The following FAM133B variants were observed in gnomAD, a reference collection of about 807,000 sequenced individuals.
FAM133B encodes family with sequence similarity 133 member B.
A neutral mutation model predicts 46.4 loss-of-function variants in FAM133B; 25 were observed. That is an observed-to-expected ratio of 0.54 (90% CI 0.39 to 0.75). The LOEUF (loss-of-function observed/expected upper bound fraction) is 0.75. FAM133B is among the 30% of genes least tolerant of loss of function. The pLI is 0.00. For synonymous variants in FAM133B, 75 were observed against 86.0 expected (o/e 0.87, Z 0.71); for missense variants, 205 against 277.6 (o/e 0.74, Z 1.86).
chr7:92,570,258 A>G (rs1794486146), intron 8 of FAM133B, among the ~76,000 whole-genome samples: 1 of 152,114 alleles, frequency 6.6e-6, no homozygotes, highest in African/African-American at 2.4e-5. Context: ...ATTGGATTAG[A>G]CAGGCCTAGT....
In FAM133B at chr7:92,584,773, C is replaced by G. The variant is rs201030260; in HGVS notation, c.25-3170G>C. ...GAAATGAAGACAATGAAGGCAAGTACCATGTGCAGCTTAGTTCACCGTTTG... is the reference window on the plus strand; with the variant it reads ...GAAATGAAGACAATGAAGGCAAGTAGCATGTGCAGCTTAGTTCACCGTTTG... On this transcript the variant is annotated intron_variant, in intron 1 of 10. Coordinates refer to ENST00000445716, the MANE Select transcript of FAM133B (RefSeq NM_152789.4). 5.3e-5 allele frequency among the ~76,000 whole-genome samples: 8 copies of G among 152,288 alleles called. No individual in the cohort carries two copies. In the East Asian group the frequency reaches 1.5e-3, roughly 29 times the overall value.
At chr7:92,566,462 T>C (rs144883225) in intron 9 of FAM133B, among the ~76,000 whole-genome samples, 34 of 150,080 alleles carry the variant, frequency 2.3e-4, no homozygotes, top group African/African-American at 8.1e-4. Flanking sequence ...CCCCCATCTC[T>C]ACCAAGAAAA....
Position 92,577,089 on chromosome 7 carries a change from T to C in FAM133B, c.465+14A>G. ...GTCTTTGTATCCAATATATTAATAA[T>C]TTAAATAATTTACCTTACTGTCTGA... On this transcript the variant is annotated intron_variant, in intron 7 of 10. Coordinates refer to ENST00000445716, the MANE Select transcript of FAM133B (RefSeq NM_152789.4). 2 of 1,398,962 alleles carry C rather than the reference T, an allele frequency of 1.4e-6. No homozygotes were observed. Among genetic ancestry groups the C allele is most frequent in the Non-Finnish European group, 1.9e-6 (2 of 1,056,058 alleles). The allele number at this position is 1,398,962 out of a possible 1,614,324, so 86.7% of individuals were successfully genotyped here.
chr7:92,582,610 G>A (rs1358211219), intron 1 of FAM133B, among the ~76,000 whole-genome samples: 1 of 152,074 alleles, frequency 6.6e-6, no homozygotes, highest in African/African-American at 2.4e-5. Context: ...TTAATATCCA[G>A]AATGTAAAAT....
chr7:92,578,246 C>T, intron 4 of FAM133B, 64 bp from the exon 5 acceptor site: 5 of 1,594,632 alleles, frequency 3.1e-6, no homozygotes, highest in South Asian at 1.1e-5. Context: ...CATCTATTAA[C>T]AGTAGTATAC....
intron 10 of FAM133B, among the ~76,000 whole-genome samples, chr7:92,563,880 C>A (rs1292977271): frequency 6.6e-6 from 1 of 152,194 alleles, no homozygotes; most frequent in Non-Finnish European, 1.5e-5. Context: ...ATCTCAAATC[C>A]ATCCTTGCCA....
rs183481909 is a variant in FAM133B, at chr7:92,571,585, T to C, written c.517-1670A>G. Among the ~76,000 whole-genome samples, 48 of 152,320 alleles carry C rather than the reference T, an allele frequency of 3.2e-4. No individual in the cohort carries two copies. The East Asian group carries it at 4.1e-3, about 13-fold the overall frequency. The stretch of plus-strand genomic sequence containing the variant: ...CTTTCTCTAGTTGCATTTTCATACA[T>C]TGAAATCTCTGAGCTGTCTGGGATG... On this transcript the variant is annotated intron_variant, in intron 8 of 10. Coordinates refer to ENST00000445716, the MANE Select transcript of FAM133B (RefSeq NM_152789.4).
rs148762897 is a variant in FAM133B, at chr7:92,588,656, G to A, written c.24+1612C>T. 5.8e-3 allele frequency among the ~76,000 whole-genome samples: 880 copies of A among 152,238 alleles called. 12 individuals are homozygous for A. The highest frequency in any genetic ancestry group is 0.021 in the African/African-American group (855 of 41,532). On this transcript the variant is annotated intron_variant, in intron 1 of 10. Coordinates refer to ENST00000445716, the MANE Select transcript of FAM133B (RefSeq NM_152789.4). ...TGTGTCCCCGCCCAAATCTCATGTC[G>A]AATTGTAATCCCCAATGTTGGAGGT...
At position 92,581,497 on chromosome 7, in the gene FAM133B, C is replaced by T; in HGVS notation, c.122+9G>A. ...AAGCTTATAAATAGGTAAAGTGTTT[C>T]ACAAATACCAGGTAGGCCTTGGTCG... On this transcript the variant is annotated intron_variant, in intron 2 of 10. Transcript: ENST00000445716. 6.2e-7 allele frequency: 1 copy of T among 1,607,808 alleles called. No homozygotes were observed. The highest frequency in any genetic ancestry group is 1.1e-5 in the South Asian group (1 of 90,590).
At chr7:92,564,127 A>G (rs1391546793) in intron 10 of FAM133B, among the ~76,000 whole-genome samples, 1 of 152,154 alleles carries the variant, frequency 6.6e-6, no homozygotes, top group Admixed American at 6.5e-5. Context: ...ACCAGGCATT[A>G]AGCCACTTAC....
intron 9 of FAM133B, among the ~76,000 whole-genome samples, chr7:92,569,258 G>A (rs745319176): frequency 3.3e-5 from 5 of 152,242 alleles, no homozygotes; most frequent in Admixed American, 3.3e-4. Context: ...AGATTTTACT[G>A]TAACACCAAG....
chr7:92,579,195 G>T, intron 3 of FAM133B, 122 bp downstream of exon 3: 8 of 711,662 alleles, frequency 1.1e-5, no homozygotes, highest in Non-Finnish European at 1.2e-5. Flanking sequence ...TTACTTTGTT[G>T]CCCAGGCTGG....
At position 92,569,568 on chromosome 7, in the gene FAM133B, A is replaced by C. The variant is rs182078108; in HGVS notation, c.609+255T>G. The C allele has an allele frequency of 4.4e-5, 10 of 226,302 alleles. 1 individual carries two copies. The East Asian group carries it at 5.8e-4, about 13-fold the overall frequency. 14.0% of individuals were successfully genotyped at this position (226,302 alleles called of 1,614,324 possible). On this transcript the variant is annotated intron_variant, in intron 9 of 10. Transcript: ENST00000445716. ...TAACAAGAATGGTAGCACAATAAAA[A>C]GGAAATATTAGAAGACTAAAAATAT...
Position 92,574,926 on chromosome 7 carries a change from A to T in FAM133B, c.516+845T>A, listed in dbSNP as rs1010407833. ...GACTCCGTCTCAAAAAAAAAAAAAAAATATGTAAATTCTGAGTAAAAACTA... is the reference window on the plus strand; with the variant it reads ...GACTCCGTCTCAAAAAAAAAAAAAATATATGTAAATTCTGAGTAAAAACTA... On this transcript the variant is annotated intron_variant, in intron 8 of 10. Coordinates refer to ENST00000445716, the MANE Select transcript of FAM133B (RefSeq NM_152789.4). Among the ~76,000 whole-genome samples the T allele has an allele frequency of 1.1e-4, 16 of 152,010 alleles. No individual in the cohort carries two copies. In the South Asian group the frequency reaches 1.2e-3, roughly 12 times the overall value.
At chr7:92,584,612 T>C (rs753791995) in intron 1 of FAM133B, among the ~76,000 whole-genome samples, 3 of 152,236 alleles carry the variant, frequency 2.0e-5, no homozygotes, top group Non-Finnish European at 4.4e-5. Flanking sequence ...GATGTGGACA[T>C]CATATGCAAT....
chr7:92,570,344 C>T (rs1214428063), intron 8 of FAM133B, among the ~76,000 whole-genome samples: 1 of 151,912 alleles, frequency 6.6e-6, no homozygotes, highest in African/African-American at 2.4e-5. Context: ...TCCTTTAGCG[C>T]AAAGTGTTAA....
intron 6 of FAM133B, chr7:92,577,441 G>A: frequency 2.3e-6 from 1 of 442,822 alleles, no homozygotes; most frequent in Non-Finnish European, 3.9e-6. Flanking sequence ...GATATTTTTA[G>A]GTCAACAAAA....
intron 8 of FAM133B, among the ~76,000 whole-genome samples, chr7:92,571,713 C>T (rs1389280464): frequency 6.6e-6 from 1 of 152,036 alleles, no homozygotes; most frequent in African/African-American, 2.4e-5. Flanking sequence ...CACAGATTCT[C>T]GAATTTTCAC....
intron 8 of FAM133B, 103 bp downstream of exon 8, chr7:92,575,668 C>A: frequency 1.9e-6 from 1 of 513,496 alleles, no homozygotes; most frequent in Non-Finnish European, 3.2e-6. Context: ...ATTACAAAAA[C>A]AAAATAAATA....
Sources: allele counts gnomAD v4.1 joint callset (sites outside exome capture counted in the v4.1 genomes callset), GRCh38; gene constraint gnomAD v4.1.1; transcripts MANE v1.5; gene names NCBI Gene and HGNC (gene_info 2026-07-23, HGNC 2026-07-21).